Variants in IQCJ observed in about 807,000 individuals in gnomAD.
The protein encoded by IQCJ is IQ domain-containing protein J.
IQCJ carries 9 observed loss-of-function variants against 11.0 expected under a neutral mutation model. The observed-to-expected ratio is 0.82, with a 90% CI of 0.49 to 1.43. The LOEUF (loss-of-function observed/expected upper bound fraction) is 1.43. IQCJ is among the 40% of genes most tolerant of loss of function. IQCJ has a pLI of 0.00. For synonymous variants in IQCJ, 55 were observed against 51.3 expected, an observed-to-expected ratio of 1.07 and a Z score of -0.31; for missense variants, 146 against 133.2, an observed-to-expected ratio of 1.10 and a Z score of -0.47.
At chr3:159,237,766 G>A (rs868439264) in intron 1 of IQCJ, among the ~76,000 whole-genome samples, 1 of 152,182 alleles carries the variant, frequency 6.6e-6, no homozygotes, top group Non-Finnish European at 1.5e-5. Flanking sequence ...ACCGAACCAG[G>A]TTCAGGTCCT....
At chr3:159,088,915 T>C (rs1266670766) in intron 1 of IQCJ, among the ~76,000 whole-genome samples, 1 of 152,206 alleles carries the variant, frequency 6.6e-6, no homozygotes, top group Non-Finnish European at 1.5e-5. Flanking sequence ...TTTAGTCCAC[T>C]TACATTTAAA....
chr3:159,222,439 A>G lies in IQCJ; in HGVS notation c.10-23404A>G, dbSNP rs1725605250. 2.0e-5 allele frequency among the ~76,000 whole-genome samples: 3 copies of G among 152,206 alleles called. No homozygotes were observed. The South Asian group carries it at 6.2e-4, about 31-fold the overall frequency. On this transcript the variant is annotated intron_variant, in intron 1 of 3. Transcript: ENST00000397832. ...ATATGCCAGGCACAAAAAGAAAAATATTGCATAATGTAACTTCTGCAGGTT... is the reference window on the plus strand; with the variant it reads ...ATATGCCAGGCACAAAAAGAAAAATGTTGCATAATGTAACTTCTGCAGGTT...
intron 1 of IQCJ, among the ~76,000 whole-genome samples, chr3:159,081,334 C>A (rs1716296255): frequency 6.6e-6 from 1 of 152,102 alleles, no homozygotes; most frequent in South Asian, 2.1e-4. Flanking sequence ...AGGCCCCTTC[C>A]TAAACCAAAC....
At chr3:159,135,523 A>G (rs1008650644) in intron 1 of IQCJ, among the ~76,000 whole-genome samples, 3 of 152,158 alleles carry the variant, frequency 2.0e-5, no homozygotes, top group African/African-American at 4.8e-5. Flanking sequence ...ACTCTCTCAA[A>G]ATACAGTGAT....
intron 1 of IQCJ, among the ~76,000 whole-genome samples, chr3:159,184,775 G>C (rs868724136): frequency 6.6e-6 from 1 of 152,198 alleles, no homozygotes. Flanking sequence ...TCCAGTTTCT[G>C]TTGTAGAGAA....
intron 2 of IQCJ, among the ~76,000 whole-genome samples, chr3:159,247,190 G>A (rs760943407): frequency 1.3e-5 from 2 of 152,132 alleles, no homozygotes; most frequent in African/African-American, 2.4e-5. Flanking sequence ...TCCGCCTCCC[G>A]GGTTCAAGTG....
At chr3:159,213,053 TCTC>T (rs2108096587) in intron 1 of IQCJ, among the ~76,000 whole-genome samples, 1 of 152,254 alleles carries the variant, frequency 6.6e-6, no homozygotes, top group East Asian at 1.9e-4. Context: ...GGCAGGTAGA[TCTC>T]CACACTGCTG....
At chr3:159,241,369 A>G (rs1468850975) in intron 1 of IQCJ, among the ~76,000 whole-genome samples, 1 of 152,044 alleles carries the variant, frequency 6.6e-6, no homozygotes, top group East Asian at 1.9e-4. Context: ...AGATCGCACC[A>G]CTGTACTCCA....
intron 1 of IQCJ, among the ~76,000 whole-genome samples, chr3:159,091,160 A>T (rs1717249691): frequency 6.6e-6 from 1 of 151,802 alleles, no homozygotes; most frequent in African/African-American, 2.4e-5. Context: ...AATAACATTG[A>T]TTAGAAAGAA....
At chr3:159,140,330 C>T (rs1720530497) in intron 1 of IQCJ, among the ~76,000 whole-genome samples, 1 of 152,128 alleles carries the variant, frequency 6.6e-6, no homozygotes, top group Admixed American at 6.5e-5. Flanking sequence ...AGTGACTCTT[C>T]CTTGTGACTT....
At chr3:159,187,057 T>C (rs1723409903) in intron 1 of IQCJ, among the ~76,000 whole-genome samples, 1 of 152,250 alleles carries the variant, frequency 6.6e-6, no homozygotes, top group African/African-American at 2.4e-5. Flanking sequence ...GACACTGGAT[T>C]AGACAAGCTA....
At chr3:159,165,006 C>T (rs1482252291) in intron 1 of IQCJ, among the ~76,000 whole-genome samples, 2 of 152,108 alleles carry the variant, frequency 1.3e-5, no homozygotes, top group Admixed American at 1.3e-4. Flanking sequence ...CTATACAGTA[C>T]TTGTATTTAC....
intron 1 of IQCJ, among the ~76,000 whole-genome samples, chr3:159,108,000 G>A (rs1400752633): frequency 1.9e-5 from 1 of 51,670 alleles, no homozygotes; most frequent in Non-Finnish European, 3.6e-5. Flanking sequence ...TGCACCTATG[G>A]TTTTCCAAAA....
At chr3:159,253,765 C>A in intron 3 of IQCJ, among the ~76,000 whole-genome samples, 1 of 152,160 alleles carries the variant, frequency 6.6e-6, no homozygotes, top group Non-Finnish European at 1.5e-5. Flanking sequence ...AAAGAAATCG[C>A]CCTAAAGAAG....
intron 1 of IQCJ, among the ~76,000 whole-genome samples, chr3:159,148,182 G>A (rs960162404): frequency 5.3e-5 from 8 of 152,278 alleles, no homozygotes; most frequent in African/African-American, 1.9e-4. Flanking sequence ...GTTTCCTATG[G>A]ATTCTGTGTC....
chr3:159,242,030 T>TA (rs1726954207), intron 1 of IQCJ, among the ~76,000 whole-genome samples: 1 of 152,172 alleles, frequency 6.6e-6, no homozygotes, highest in Non-Finnish European at 1.5e-5. Flanking sequence ...ATGTTGATTG[T>TA]AATTGTGCAC....
rs149800801 is a variant in IQCJ at position 159,219,708 on chromosome 3, G to A, written c.10-26135G>A. On this transcript the variant is annotated intron_variant, in intron 1 of 3. Transcript: ENST00000397832. ...TTTCTTCTGACTGTATTGACTTGCG[G>A]GCCTGTCTTAACAATATGGAGGGGC... Among the ~76,000 whole-genome samples the A allele has an allele frequency of 5.8e-4, 88 of 152,186 alleles. 1 individual carries two copies. The South Asian group carries it at 0.011, about 18-fold the overall frequency.
At chr3:159,130,297 C>A (rs1719918354) in intron 1 of IQCJ, among the ~76,000 whole-genome samples, 1 of 152,024 alleles carries the variant, frequency 6.6e-6, no homozygotes, top group Non-Finnish European at 1.5e-5. Flanking sequence ...ACAACTTAGG[C>A]CACGGGGAGG....
chr3:159,107,986 ATGTT>A (rs1444579921), intron 1 of IQCJ, among the ~76,000 whole-genome samples: 1 of 123,758 alleles, frequency 8.1e-6, no homozygotes, highest in African/African-American at 3.1e-5. Flanking sequence ...GAGATTGTGC[ATGTT>A]GCACCTATGG....
Sources: gnomAD v4.1 joint callset for allele counts (sites outside exome capture counted in the v4.1 genomes callset) on GRCh38, gnomAD v4.1.1 for gene constraint, MANE v1.5 for transcripts, NCBI Gene and HGNC (gene_info 2026-07-23, HGNC 2026-07-21) for gene names.